The following RAB6D variants were observed in gnomAD, a reference collection of about 807,000 sequenced individuals.
RAB6D encodes the protein ras-related protein Rab-6D.
A neutral mutation model predicts 17.5 loss-of-function variants in RAB6D; 11 were observed. That is an observed-to-expected ratio of 0.63 (90% CI 0.39 to 1.04). The LOEUF (loss-of-function observed/expected upper bound fraction) is 1.04, where lower values mean the gene tolerates loss of function less well. Ranked by LOEUF, RAB6D falls within the 50% of genes least tolerant of loss-of-function variation. The pLI, the probability that RAB6D is intolerant of heterozygous loss-of-function variation, is 0.00. For missense variants in RAB6D, 163 were observed against 315.1 expected, an observed-to-expected ratio of 0.52 and a Z score of 3.65; for synonymous variants, 68 against 122.6, an observed-to-expected ratio of 0.55 and a Z score of 2.94.
At position 131,363,557 on chromosome 2, in the gene RAB6D, A is replaced by G. The variant is rs773252274; in HGVS notation, c.164T>C (p.Met55Thr). 1.8e-5 allele frequency: 29 copies of G among 1,579,952 alleles called. No individual in the cohort carries two copies. The African/African-American group carries it at 3.4e-4, about 19-fold the overall frequency. ...IIGIDFLSKT[M>T]YLEDGTIGLR... ...CCCGATTGTTCCATCCTCCAAGTAC[A>G]TAGTTTTTGATAAAAAGTCAATGCC... The change falls in exon 1 of 1, where the codon ATG becomes ACG. Residue 55 changes from methionine to threonine, a missense_variant. Physicochemically the swap from Met to Thr is moderately conservative, Grantham distance 81. This residue lies in a region of RAB6D where 144 missense variants were observed against 244.4 expected (regional missense o/e 0.59). Coordinates refer to ENST00000623617, the MANE Select transcript of RAB6D (RefSeq NM_001077637.3).
chr2:131,364,091 TGGGATCTCTCACGCGCGGCGCTTC>T lies in RAB6D; in HGVS notation c.-395_-372del, dbSNP rs1559283986. On this transcript the variant is annotated 5_prime_UTR_variant, in exon 1 of 1. Transcript: ENST00000623617. ...GCGGAGCCGGAACCGCAGACGTATC[TGGGATCTCTCACGCGCGGCGCTTC>T]GGCTTCCCCAGCCGCCGCCGCCGCA... 25 of 112,458 alleles carry T rather than the reference TGGGATCTCTCACGCGCGGCGCTTC, an allele frequency of 2.2e-4. No individual in the cohort carries two copies. The highest frequency in any genetic ancestry group is 1.1e-3 in the African/African-American group (25 of 22,124). 7.0% of individuals were successfully genotyped at this position (112,458 alleles called of 1,614,324 possible). A position where few individuals can be genotyped will look rare whatever the true frequency, so the allele number is the denominator to read the frequency against.
rs1703466011 is a variant in RAB6D at position 131,363,930 on chromosome 2, G to A, written c.-210C>T. On this transcript the variant is annotated 5_prime_UTR_variant, in exon 1 of 1. Coordinates refer to ENST00000623617, the MANE Select transcript of RAB6D (RefSeq NM_001077637.3). Reference sequence around the variant, plus strand: ...CCTCCCGGCAGAGTAGCCGAGCACCGAGCGAGGCCCGCGGCTGGGAAGGGA... The same window carrying A: ...CCTCCCGGCAGAGTAGCCGAGCACCAAGCGAGGCCCGCGGCTGGGAAGGGA... The A allele has an allele frequency of 2.4e-6, 2 of 845,012 alleles. No homozygotes were observed. Among genetic ancestry groups the A allele is most frequent in the East Asian group, 2.7e-5 (1 of 37,312 alleles). 52.3% of individuals were successfully genotyped at this position (845,012 alleles called of 1,614,324 possible).
At position 131,362,733 on chromosome 2, in the gene RAB6D, A is replaced by C. The variant is rs1573802249; in HGVS notation, c.*223T>G. On this transcript the variant is annotated 3_prime_UTR_variant, in exon 1 of 1. Coordinates refer to ENST00000623617, the MANE Select transcript of RAB6D (RefSeq NM_001077637.3). The stretch of plus-strand genomic sequence containing the variant: ...GAGGTGAGAAGAGCAAGGAGAGATA[A>C]AGCAGGCTGTGAACATACTGCTCGT... The C allele has an allele frequency of 1.9e-6, 1 of 517,840 alleles. No individual in the cohort carries two copies. The highest frequency in any genetic ancestry group is 1.9e-5 in the African/African-American group (1 of 51,984). The allele number at this position is 517,840 out of a possible 1,614,324, so 32.1% of individuals were successfully genotyped here.
Position 131,362,269 on chromosome 2 carries a change from C to A in RAB6D, c.*687G>T, listed in dbSNP as rs74316643. The stretch of plus-strand genomic sequence containing the variant: ...TGGGAGAAATAGTTCATTAGAACGT[C>A]ATTATCTTACCATGAAGAATTAAAT... On this transcript the variant is annotated 3_prime_UTR_variant, in exon 1 of 1. Transcript: ENST00000623617. The A allele has an allele frequency of 2.4e-5, 4 of 167,224 alleles. No individual in the cohort carries two copies. The East Asian group carries it at 7.7e-4, about 32-fold the overall frequency. 10.4% of individuals were successfully genotyped at this position (167,224 alleles called of 1,614,324 possible).
In RAB6D at chr2:131,363,838, G is replaced by A. The variant is rs1256629385; in HGVS notation, c.-118C>T. 130 of 1,206,876 alleles carry A rather than the reference G, an allele frequency of 1.1e-4. No homozygotes were observed. The highest frequency in any genetic ancestry group is 1.4e-4 in the Non-Finnish European group (121 of 869,834). The allele number at this position is 1,206,876 out of a possible 1,614,324, so 74.8% of individuals were successfully genotyped here. A position where few individuals can be genotyped will look rare whatever the true frequency, so the allele number is the denominator to read the frequency against. On this transcript the variant is annotated 5_prime_UTR_variant, in exon 1 of 1. Transcript: ENST00000623617. ...CGGGCGCCGAGCTCTCTGCGCCCCT[G>A]CAAGGGCCGGTGGAGGAGCCCGGCT... is the stretch of plus-strand genomic sequence containing the variant.
In RAB6D at chr2:131,360,997, A is replaced by T. The variant is rs1385105156; in HGVS notation, c.*1959T>A. On this transcript the variant is annotated 3_prime_UTR_variant, in exon 1 of 1. Transcript: ENST00000623617. Reference sequence around the variant, plus strand: ...ACCAATCAATATTAAAAGCAGTATAACTGCTTACTTTTTAAAAAATACATA... The same window carrying T: ...ACCAATCAATATTAAAAGCAGTATATCTGCTTACTTTTTAAAAAATACATA... 6.0e-6 allele frequency: 1 copy of T among 166,404 alleles called. No homozygotes were observed. Among genetic ancestry groups the T allele is most frequent in the African/African-American group, 2.4e-5 (1 of 41,470 alleles). 10.3% of individuals were successfully genotyped at this position (166,404 alleles called of 1,614,324 possible).
At position 131,364,078 on chromosome 2, in the gene RAB6D, C is replaced by A; in HGVS notation, c.-358G>T. ...AAGGCGGAGGGTGGCGGAGCCGGAACCGCAGACGTATCTGGGATCTCTCAC... is the reference window on the plus strand; with the variant it reads ...AAGGCGGAGGGTGGCGGAGCCGGAAACGCAGACGTATCTGGGATCTCTCAC... On this transcript the variant is annotated 5_prime_UTR_variant, in exon 1 of 1. Transcript: ENST00000623617. The A allele has an allele frequency of 4.5e-6, 1 of 223,828 alleles. No homozygotes were observed. The highest frequency in any genetic ancestry group is 9.0e-6 in the Non-Finnish European group (1 of 111,126). The allele number at this position is 223,828 out of a possible 1,614,324, so 13.9% of individuals were successfully genotyped here.
rs748583025 is a variant in RAB6D, at chr2:131,363,253, C to G, written c.468G>C (p.Arg156Ser). The change falls in exon 1 of 1, where the codon AGG becomes AGC. Residue 156 changes from arginine to serine, a missense_variant. Physicochemically the swap from Arg to Ser is moderately radical, Grantham distance 110. Transcript: ENST00000623617. ...GCTTTACATTGTATCCAGCTTTTGC[C>G]CTAGTTTCAATAAACGTAACATTCA... The part of the protein sequence containing the change: ...KGLNVTFIET[R>S]AKAGYNVKQL... 8 of 1,613,600 alleles carry G rather than the reference C, an allele frequency of 5.0e-6. No individual in the cohort carries two copies. The African/African-American group carries it at 9.4e-5, about 19-fold the overall frequency.
chr2:131,362,302 A>T lies in RAB6D; in HGVS notation c.*654T>A, dbSNP rs1703434409. ...TACCATGAAGAATTAAATACTAAAA[A>T]CCTGTTCTGAAGCACTTGGTTAATT... is the stretch of plus-strand genomic sequence containing the variant. On this transcript the variant is annotated 3_prime_UTR_variant, in exon 1 of 1. Coordinates refer to ENST00000623617, the MANE Select transcript of RAB6D (RefSeq NM_001077637.3). The T allele has an allele frequency of 6.0e-6, 1 of 167,186 alleles. No individual in the cohort carries two copies. 10.4% of individuals were successfully genotyped at this position (167,186 alleles called of 1,614,324 possible).
rs1208679509 is a variant in RAB6D at position 131,361,958 on chromosome 2, A to G, written c.*998T>C. 1 of 167,048 alleles carries G rather than the reference A, an allele frequency of 6.0e-6. No homozygotes were observed. Among genetic ancestry groups the G allele is most frequent in the African/African-American group, 2.4e-5 (1 of 41,428 alleles). 10.3% of individuals were successfully genotyped at this position (167,048 alleles called of 1,614,324 possible). On this transcript the variant is annotated 3_prime_UTR_variant, in exon 1 of 1. Coordinates refer to ENST00000623617, the MANE Select transcript of RAB6D (RefSeq NM_001077637.3). ...TACAAGAAAATGGTTTCCGGTTTCC[A>G]TCTTCAATTTGACCTCAAATGTCCT...
chr2:131,363,940 C>T lies in RAB6D; in HGVS notation c.-220G>A. On this transcript the variant is annotated 5_prime_UTR_variant, in exon 1 of 1. Coordinates refer to ENST00000623617, the MANE Select transcript of RAB6D (RefSeq NM_001077637.3). ...GAGTAGCCGAGCACCGAGCGAGGCC[C>T]GCGGCTGGGAAGGGAAGGAGGGCGG... The T allele has an allele frequency of 1.3e-6, 1 of 764,708 alleles. No homozygotes were observed. Among genetic ancestry groups the T allele is most frequent in the South Asian group, 1.9e-5 (1 of 51,704 alleles). The allele number at this position is 764,708 out of a possible 1,614,324, so 47.4% of individuals were successfully genotyped here.
rs1703415210 is a variant in RAB6D, at chr2:131,360,749, A to G, written c.*2207T>C. On this transcript the variant is annotated 3_prime_UTR_variant, in exon 1 of 1. Transcript: ENST00000623617. ...TTGGTAATCAGGGAAATGCTATTAA[A>G]CATAGCATAGCATTGTGTGTGTGGA... Among the ~76,000 whole-genome samples the G allele has an allele frequency of 6.6e-6, 1 of 152,208 alleles. No homozygotes were observed. Among genetic ancestry groups the G allele is most frequent in the African/African-American group, 2.4e-5 (1 of 41,470 alleles).
At position 131,362,228 on chromosome 2, in the gene RAB6D, G is replaced by C. The variant is rs1703433211; in HGVS notation, c.*728C>G. On this transcript the variant is annotated 3_prime_UTR_variant, in exon 1 of 1. Transcript: ENST00000623617. ...TTTTTAAACAAACAGAATAACTCTT[G>C]ACAATTTTAAAACCTTGGGAGAAAT... 1 of 166,984 alleles carries C rather than the reference G, an allele frequency of 6.0e-6. No individual in the cohort carries two copies. Among genetic ancestry groups the C allele is most frequent in the East Asian group, 1.9e-4 (1 of 5,198 alleles). The allele number at this position is 166,984 out of a possible 1,614,324, so 10.3% of individuals were successfully genotyped here. A position where few individuals can be genotyped will look rare whatever the true frequency, so the allele number is the denominator to read the frequency against.
In RAB6D at chr2:131,361,335, A is replaced by C. The variant is rs1200678438; in HGVS notation, c.*1621T>G. 1 of 167,074 alleles carries C rather than the reference A, an allele frequency of 6.0e-6. No individual in the cohort carries two copies. The highest frequency in any genetic ancestry group is 1.5e-5 in the Non-Finnish European group (1 of 68,118). The allele number at this position is 167,074 out of a possible 1,614,324, so 10.3% of individuals were successfully genotyped here. A position where few individuals can be genotyped will look rare whatever the true frequency, so the allele number is the denominator to read the frequency against. ...TATTACAAGGTGACAATAAGTGGGA[A>C]GTGGAGGAGGAAGAGGAAAGAGAGG... On this transcript the variant is annotated 3_prime_UTR_variant, in exon 1 of 1. Transcript: ENST00000623617.
At position 131,363,081 on chromosome 2, in the gene RAB6D, A is replaced by T. The variant is rs1432096448; in HGVS notation, c.640T>A (p.Ser214Thr). ...GGGGGCTTCTGAGGAAGGGTTGAAG[A>T]TGACATGGGAGAGTAGCAGGAACAA... The part of the protein sequence containing the change: ...GGCSCYSPMS[S>T]STLPQKPPYS... The change falls in exon 1 of 1, where the codon TCT becomes ACT. Residue 214 changes from serine to threonine, a missense_variant. By Grantham distance (58) the Ser-to-Thr change is moderately conservative. Transcript: ENST00000623617. 1 of 1,607,348 alleles carries T rather than the reference A, an allele frequency of 6.2e-7. No individual in the cohort carries two copies. The highest frequency in any genetic ancestry group is 8.5e-7 in the Non-Finnish European group (1 of 1,175,396).
In RAB6D at chr2:131,362,500, G is replaced by A. The variant is rs918609693; in HGVS notation, c.*456C>T. The A allele has an allele frequency of 5.3e-6, 1 of 189,562 alleles. No individual in the cohort carries two copies. The highest frequency in any genetic ancestry group is 1.3e-4 in the South Asian group (1 of 7,560). The allele number at this position is 189,562 out of a possible 1,614,324, so 11.7% of individuals were successfully genotyped here. A position where few individuals can be genotyped will look rare whatever the true frequency, so the allele number is the denominator to read the frequency against. ...CTGCCTACCGTGATCGCTGAATTCTGACCTCAAAGAGGATCTAAGTAATTT... is the reference window on the plus strand; with the variant it reads ...CTGCCTACCGTGATCGCTGAATTCTAACCTCAAAGAGGATCTAAGTAATTT... On this transcript the variant is annotated 3_prime_UTR_variant, in exon 1 of 1. Transcript: ENST00000623617.
In RAB6D at chr2:131,362,757, G is replaced by A. The variant is rs1573802269; in HGVS notation, c.*199C>T. The A allele has an allele frequency of 1.7e-6, 1 of 584,262 alleles. No individual in the cohort carries two copies. Among genetic ancestry groups the A allele is most frequent in the Non-Finnish European group, 3.1e-6 (1 of 321,452 alleles). 36.2% of individuals were successfully genotyped at this position (584,262 alleles called of 1,614,324 possible). On this transcript the variant is annotated 3_prime_UTR_variant, in exon 1 of 1. Coordinates refer to ENST00000623617, the MANE Select transcript of RAB6D (RefSeq NM_001077637.3). Reference sequence around the variant, plus strand: ...AAAGCAGGCTGTGAACATACTGCTCGTTAACCAAGCCATACTCATACTGTT... The same window carrying A: ...AAAGCAGGCTGTGAACATACTGCTCATTAACCAAGCCATACTCATACTGTT...
In RAB6D at chr2:131,362,806, C is replaced by A; in HGVS notation, c.*150G>T. On this transcript the variant is annotated 3_prime_UTR_variant, in exon 1 of 1. Coordinates refer to ENST00000623617, the MANE Select transcript of RAB6D (RefSeq NM_001077637.3). ...TTGAGATTTCCATCATTTTGAAGTA[C>A]ATTATCATAACATTAAAAAAGAAAA... The A allele has an allele frequency of 2.0e-6, 2 of 996,660 alleles. No homozygotes were observed. The highest frequency in any genetic ancestry group is 2.9e-6 in the Non-Finnish European group (2 of 687,780). 61.7% of individuals were successfully genotyped at this position (996,660 alleles called of 1,614,324 possible). A position where few individuals can be genotyped will look rare whatever the true frequency, so the allele number is the denominator to read the frequency against.
In RAB6D at chr2:131,363,407, G is replaced by A. The variant is rs200868091; in HGVS notation, c.314C>T (p.Thr105Ile). 1.5e-4 allele frequency: 239 copies of A among 1,613,400 alleles called. 2 individuals are homozygous for A. In the African/African-American group the frequency reaches 2.5e-3, roughly 17 times the overall value. Residue 105 changes from threonine (T) to isoleucine (I), a missense_variant, in exon 1 of 1, where the codon ACA (threonine) becomes ATA (isoleucine). By Grantham distance (89) the Thr-to-Ile change is moderately conservative. Coordinates refer to ENST00000623617, the MANE Select transcript of RAB6D (RefSeq NM_001077637.3). ...ITNVNSFQQT[T>I]KWIDDVRTEG... is the part of the protein sequence containing the mutation. ...TGTTCTGACATCATCAATCCACTTTGTAGTTTGCTGGAATGAGTTAACATT... is the reference window on the plus strand; with the variant it reads ...TGTTCTGACATCATCAATCCACTTTATAGTTTGCTGGAATGAGTTAACATT...
Sources: allele counts gnomAD v4.1 joint callset (sites outside exome capture counted in the v4.1 genomes callset), GRCh38; gene constraint gnomAD v4.1.1; regional missense constraint gnomAD v4.1.1; transcripts MANE v1.5; gene names NCBI Gene and HGNC (gene_info 2026-07-23, HGNC 2026-07-21).